HSD17B2: variants seen among roughly 807,000 people sequenced by gnomAD.
HSD17B2 encodes 17-beta-hydroxysteroid dehydrogenase type 2.
Under a neutral mutation model 26.9 loss-of-function variants are expected in HSD17B2, and 32 were observed. The ratio of observed to expected loss-of-function variants is 1.19; its 90% CI spans 0.90 to 1.60. The LOEUF (loss-of-function observed/expected upper bound fraction) is 1.60. HSD17B2 is among the 40% of genes most tolerant of loss of function. HSD17B2 has a pLI of 0.00. For missense variants in HSD17B2, 613 were observed against 468.6 expected (o/e 1.31, Z -2.85); for synonymous variants, 246 against 186.7 (o/e 1.32, Z -2.59).
chr16:82,082,484 A>G (rs1904410544), intron 3 of HSD17B2, among the ~76,000 whole-genome samples: 1 of 152,186 alleles, frequency 6.6e-6, no homozygotes, highest in Non-Finnish European at 1.5e-5. Context: ...CCAACTTTTG[A>G]CTATTATGAA....
At position 82,068,269 on chromosome 16, in the gene HSD17B2, A is replaced by G; in HGVS notation, c.365A>G (p.Glu122Gly). Residue 122 changes from glutamate to glycine, a missense_variant, in exon 2 of 5, where the codon GAG becomes GGG. By Grantham distance (98) the Glu-to-Gly change is moderately conservative. Transcript: ENST00000199936. Reference sequence around the variant, plus strand: ...TTGAATGAAAATGGCCCAGGAGCTGAGGAATTGCGAAGAACCTGCTCTCCG... The same window carrying G: ...TTGAATGAAAATGGCCCAGGAGCTGGGGAATTGCGAAGAACCTGCTCTCCG... ...GVLNENGPGA[E>G]ELRRTCSPRL... 6.2e-7 allele frequency: 1 copy of G among 1,613,768 alleles called. No individual in the cohort carries two copies. Among genetic ancestry groups the G allele is most frequent in the Non-Finnish European group, 8.5e-7 (1 of 1,179,976 alleles).
intron 1 of HSD17B2, among the ~76,000 whole-genome samples, chr16:82,043,626 G>T: frequency 8.7e-6 from 1 of 114,446 alleles, no homozygotes; most frequent in African/African-American, 6.5e-5. Flanking sequence ...GGAGCTTGCA[G>T]TGAGTCGAGA....
intron 4 of HSD17B2, chr16:82,096,934 A>G (rs1567595284): frequency 6.6e-6 from 1 of 151,924 alleles, no homozygotes; most frequent in East Asian, 1.9e-4. Context: ...AATCTGTCCT[A>G]TTAATCAGGA....
At chr16:82,066,274 G>A (rs569035000) in intron 1 of HSD17B2, among the ~76,000 whole-genome samples, 1 of 152,188 alleles carries the variant, frequency 6.6e-6, no homozygotes, top group Non-Finnish European at 1.5e-5. Context: ...GACATACATG[G>A]AGACATAAGA....
At chr16:82,050,421 C>CT (rs554085850) in intron 1 of HSD17B2, among the ~76,000 whole-genome samples, 5 of 152,272 alleles carry the variant, frequency 3.3e-5, no homozygotes, top group African/African-American at 1.2e-4. Flanking sequence ...GTCACCTCCC[C>CT]TGCTTCTGAT....
intron 1 of HSD17B2, among the ~76,000 whole-genome samples, chr16:82,058,216 G>A (rs1036301997): frequency 2.6e-5 from 4 of 151,964 alleles, no homozygotes; most frequent in Admixed American, 2.0e-4. Context: ...GGCCAGGGGC[G>A]TATGCCAGCA....
chr16:82,083,796 A>G (rs1424394407), intron 3 of HSD17B2, among the ~76,000 whole-genome samples: 1 of 152,112 alleles, frequency 6.6e-6, no homozygotes, highest in Non-Finnish European at 1.5e-5. Context: ...GACCATGTCT[A>G]CTACAGGAGA....
intron 1 of HSD17B2, among the ~76,000 whole-genome samples, chr16:82,050,214 CT>C (rs1409184546): frequency 6.6e-6 from 1 of 152,184 alleles, no homozygotes; most frequent in Non-Finnish European, 1.5e-5. Flanking sequence ...ATTTGGGACC[CT>C]TCCCTACCTG....
chr16:82,070,376 C>T (rs1914670488), intron 2 of HSD17B2, among the ~76,000 whole-genome samples: 1 of 152,244 alleles, frequency 6.6e-6, no homozygotes, highest in South Asian at 2.1e-4. Context: ...CACAGACCCT[C>T]ACCTTCTTCC....
At chr16:82,062,491 G>A (rs750960681) in intron 1 of HSD17B2, among the ~76,000 whole-genome samples, 26 of 152,130 alleles carry the variant, frequency 1.7e-4, no homozygotes, top group Non-Finnish European at 3.2e-4. Flanking sequence ...ATCCACTATG[G>A]GCTAAGCCTT....
At chr16:82,083,622 G>A (rs1904440233) in intron 3 of HSD17B2, among the ~76,000 whole-genome samples, 2 of 152,164 alleles carry the variant, frequency 1.3e-5, no homozygotes, top group Admixed American at 6.5e-5. Context: ...CCCACCATGA[G>A]GATCTGGGGC....
chr16:82,093,440 T>G (rs1035335229), intron 4 of HSD17B2: 6 of 152,250 alleles, frequency 3.9e-5, no homozygotes, highest in African/African-American at 1.4e-4. Flanking sequence ...GTAGCTGTAG[T>G]CCACTCATTT....
At chr16:82,043,684 CAAAAAAAAAAAAAAAAAA>C (rs398030034) in intron 1 of HSD17B2, among the ~76,000 whole-genome samples, 2 of 22,540 alleles carry the variant, frequency 8.9e-5, no homozygotes, top group Non-Finnish European at 1.3e-4. Flanking sequence ...AACTCTGTCT[CAAAAAAAAAAAAAAAAAA>C]AAAAAAAAAA....
intron 3 of HSD17B2, among the ~76,000 whole-genome samples, chr16:82,076,793 T>C (rs781426971): frequency 2.0e-5 from 3 of 152,188 alleles, no homozygotes; most frequent in African/African-American, 4.8e-5. Flanking sequence ...TTGGCCAGGA[T>C]GGTTTCGATC....
At chr16:82,078,637 G>C (rs113053735) in intron 3 of HSD17B2, among the ~76,000 whole-genome samples, 1 of 152,144 alleles carries the variant, frequency 6.6e-6, no homozygotes, top group East Asian at 1.9e-4. Flanking sequence ...CAACAGATGA[G>C]TGGATAAAGA....
chr16:82,091,325 G>A (rs536352288), intron 4 of HSD17B2: 169 of 429,772 alleles, frequency 3.9e-4, no homozygotes, highest in African/African-American at 3.3e-3. Context: ...AAAAGTACAA[G>A]GGTCCATCAG....
rs1200865113 is a variant in HSD17B2, at chr16:82,056,872, T to A, written c.266-11298T>A. On this transcript the variant is annotated intron_variant, in intron 1 of 4. Transcript: ENST00000199936. The stretch of plus-strand genomic sequence containing the variant: ...GGGTTCAAATGGCACCTCTGCTTTT[T>A]TACTTGAGTGAGGCTGGAAACTTTT... Among the ~76,000 whole-genome samples, 3 of 152,324 alleles carry A rather than the reference T, an allele frequency of 2.0e-5. No homozygotes were observed. The East Asian group carries it at 5.8e-4, about 29-fold the overall frequency.
chr16:82,045,229 A>G (rs970599322), intron 1 of HSD17B2, among the ~76,000 whole-genome samples: 1 of 152,024 alleles, frequency 6.6e-6, no homozygotes, highest in Non-Finnish European at 1.5e-5. Context: ...AAAATGGTCC[A>G]GGGAGGTTTG....
intron 1 of HSD17B2, among the ~76,000 whole-genome samples, chr16:82,045,756 C>A (rs1411291545): frequency 1.3e-5 from 2 of 152,264 alleles, no homozygotes; most frequent in African/African-American, 2.4e-5. Context: ...CTGACAGATG[C>A]TTCTCCAGTG....
Sources: gnomAD v4.1 joint callset for allele counts (sites outside exome capture counted in the v4.1 genomes callset) on GRCh38, gnomAD v4.1.1 for gene constraint, MANE v1.5 for transcripts, NCBI Gene and HGNC (gene_info 2026-07-23, HGNC 2026-07-21) for gene names.